The following FGGY variants were observed in gnomAD, a reference collection of about 807,000 sequenced individuals.
FGGY encodes FGGY carbohydrate kinase domain containing.
Under a neutral mutation model 71.3 loss-of-function variants are expected in FGGY, and 72 were observed. The ratio of observed to expected loss-of-function variants is 1.01; its 90% CI spans 0.84 to 1.23. The LOEUF is 1.23. FGGY is among the 50% of genes most tolerant of loss of function. The pLI is 0.00. For synonymous variants in FGGY, 251 were observed against 250.3 expected (o/e 1.00, Z -0.02); for missense variants, 668 against 682.3 (o/e 0.98, Z 0.23).
At chr1:59,344,706 A>G (rs925326426) in intron 3 of FGGY, among the ~76,000 whole-genome samples, 2 of 152,182 alleles carry the variant, frequency 1.3e-5, no homozygotes, top group African/African-American at 4.8e-5. Flanking sequence ...TGTACTTCAG[A>G]TAATCTCTAG....
chr1:59,472,024 T>G (rs529513927), intron 6 of FGGY, among the ~76,000 whole-genome samples: 4 of 152,364 alleles, frequency 2.6e-5, no homozygotes, highest in Admixed American at 2.6e-4. Context: ...GGCTCCCACT[T>G]TGGCGGCACT....
At chr1:59,569,224 T>C (rs1370522944) in intron 8 of FGGY, among the ~76,000 whole-genome samples, 2 of 152,162 alleles carry the variant, frequency 1.3e-5, no homozygotes, top group Non-Finnish European at 2.9e-5. Flanking sequence ...ACAAAAATTA[T>C]AGCTATATAA....
intron 14 of FGGY, among the ~76,000 whole-genome samples, chr1:59,750,356 T>C (rs974469563): frequency 2.0e-5 from 3 of 152,130 alleles, no homozygotes; most frequent in African/African-American, 7.2e-5. Flanking sequence ...AAAATATAAA[T>C]ATACTGACAT....
chr1:59,407,560 A>G (rs148713598), intron 5 of FGGY, among the ~76,000 whole-genome samples: 76 of 152,070 alleles, frequency 5.0e-4, no homozygotes, highest in African/African-American at 1.7e-3. Context: ...GGGAGAGAGA[A>G]AAAAAAATAT....
intron 2 of FGGY, among the ~76,000 whole-genome samples, chr1:59,332,423 G>GTTT (rs1182961727): frequency 6.6e-6 from 1 of 152,166 alleles, no homozygotes; most frequent in Non-Finnish European, 1.5e-5. Flanking sequence ...AAGCCCCAGA[G>GTTT]GCCTTCTGGG....
intron 4 of FGGY, 41 bp from the exon 5 acceptor site, chr1:59,378,708 A>G (rs753617705): frequency 6.4e-7 from 1 of 1,567,876 alleles, no homozygotes; most frequent in Admixed American, 1.8e-5. Context: ...AGATGGTAGA[A>G]AAACCCCCTA....
chr1:59,575,780 T>C (rs1333107917), intron 8 of FGGY, among the ~76,000 whole-genome samples: 2 of 152,232 alleles, frequency 1.3e-5, no homozygotes. Flanking sequence ...AATGTGCATG[T>C]ATTATATATG....
intron 4 of FGGY, among the ~76,000 whole-genome samples, chr1:59,369,673 C>T (rs1037009377): frequency 2.6e-5 from 4 of 152,172 alleles, no homozygotes; most frequent in Admixed American, 1.3e-4. Context: ...CCAGTAGGGG[C>T]AGACTGACAC....
chr1:59,571,565 CT>C (rs1319324174), intron 8 of FGGY, among the ~76,000 whole-genome samples: 3 of 152,218 alleles, frequency 2.0e-5, no homozygotes, highest in Non-Finnish European at 4.4e-5. Flanking sequence ...ATGCCCTGTA[CT>C]CTACCAATTC....
chr1:59,517,234 C>A (rs546324186), intron 7 of FGGY, among the ~76,000 whole-genome samples: 1 of 150,232 alleles, frequency 6.7e-6, no homozygotes, highest in East Asian at 1.9e-4. Flanking sequence ...CTGTCTCAGG[C>A]CCTTCTCTTC....
chr1:59,378,398 C>G (rs1338760773), intron 4 of FGGY, among the ~76,000 whole-genome samples: 2 of 151,896 alleles, frequency 1.3e-5, no homozygotes, highest in Non-Finnish European at 2.9e-5. Flanking sequence ...CCTCCCCAGC[C>G]ACGCGAAACT....
intron 5 of FGGY, among the ~76,000 whole-genome samples, chr1:59,408,176 T>TA (rs2063046684): frequency 6.6e-6 from 1 of 152,230 alleles, no homozygotes; most frequent in African/African-American, 2.4e-5. Context: ...GAGAACCTGA[T>TA]ACCATTTATG....
chr1:59,348,044 T>C (rs1242708804), intron 4 of FGGY, among the ~76,000 whole-genome samples: 1 of 152,132 alleles, frequency 6.6e-6, no homozygotes, highest in Non-Finnish European at 1.5e-5. Context: ...AGAAAATTTT[T>C]GCAATCTACT....
At chr1:59,403,789 CTG>C (rs2062328069) in intron 5 of FGGY, among the ~76,000 whole-genome samples, 1 of 152,220 alleles carries the variant, frequency 6.6e-6, no homozygotes, top group Non-Finnish European at 1.5e-5. Flanking sequence ...GATGTGGGCT[CTG>C]GAGCCAGACT....
intron 7 of FGGY, among the ~76,000 whole-genome samples, chr1:59,535,011 G>T (rs977577595): frequency 8.6e-5 from 13 of 151,646 alleles, no homozygotes; most frequent in East Asian, 3.9e-4. Flanking sequence ...TGGACTAAAT[G>T]CTCCAATTAA....
intron 11 of FGGY, chr1:59,641,150 T>A: frequency 1.5e-6 from 1 of 650,204 alleles, no homozygotes; most frequent in Non-Finnish European, 2.7e-6. Flanking sequence ...TGCAGTATTC[T>A]AGAGGGAAGA....
chr1:59,370,093 G>T (rs148554430), intron 4 of FGGY, among the ~76,000 whole-genome samples: 1 of 152,118 alleles, frequency 6.6e-6, no homozygotes, highest in Non-Finnish European at 1.5e-5. Flanking sequence ...AGAGAAGAAG[G>T]CTTCAGAAGA....
At chr1:59,562,541 T>C (rs1174598586) in intron 8 of FGGY, among the ~76,000 whole-genome samples, 2 of 152,344 alleles carry the variant, frequency 1.3e-5, no homozygotes, top group South Asian at 4.1e-4. Context: ...CAGATATCCC[T>C]GCCCAGCTTT....
chr1:59,360,645 T>C (rs900804283), intron 4 of FGGY, among the ~76,000 whole-genome samples: 4 of 152,166 alleles, frequency 2.6e-5, no homozygotes, highest in African/African-American at 9.7e-5. Context: ...ATGCTGGTGG[T>C]ATTGATAGAT....
Sources: allele counts gnomAD v4.1 joint callset (sites outside exome capture counted in the v4.1 genomes callset), GRCh38; gene constraint gnomAD v4.1.1; transcripts MANE v1.5; gene names NCBI Gene and HGNC (gene_info 2026-07-23, HGNC 2026-07-21).